ITGAM: variants seen among roughly 807,000 people sequenced by gnomAD.
ITGAM encodes integrin subunit alpha M, also known as integrin alpha-M.
A neutral mutation model predicts 137.5 loss-of-function variants in ITGAM; 79 were observed. That is an observed-to-expected ratio of 0.57 (90% CI 0.48 to 0.69). The LOEUF (loss-of-function observed/expected upper bound fraction) is 0.69. Among genes scored for constraint, ITGAM ranks in the 30% least tolerant of loss-of-function variants. The probability of loss-of-function intolerance (pLI) is 0.00; values close to 1 mark genes in which losing one functional copy is unlikely to be tolerated. For synonymous variants in ITGAM, 583 were observed against 592.3 expected, an observed-to-expected ratio of 0.98 and a Z score of 0.23; for missense variants, 1,343 against 1,483.5, an observed-to-expected ratio of 0.91 and a Z score of 1.56.
intron 12 of ITGAM, among the ~76,000 whole-genome samples, chr16:31,279,329 G>T (rs1307270804): frequency 6.6e-6 from 1 of 152,128 alleles, no homozygotes; most frequent in Non-Finnish European, 1.5e-5. Flanking sequence ...TTCCACAATG[G>T]TTGAACTAGT....
chr16:31,298,524 G>A (rs1017789977), intron 14 of ITGAM, among the ~76,000 whole-genome samples: 1 of 152,224 alleles, frequency 6.6e-6, no homozygotes, highest in Non-Finnish European at 1.5e-5. Context: ...AAGGCCCAGC[G>A]ATGGCAAATG....
intron 12 of ITGAM, among the ~76,000 whole-genome samples, chr16:31,287,755 A>G (rs2080043987): frequency 6.6e-6 from 1 of 152,152 alleles, no homozygotes; most frequent in African/African-American, 2.4e-5. Flanking sequence ...CAATAGTCAA[A>G]TTCTTCACGT....
rs758314269 is a variant in ITGAM, at chr16:31,330,572, G to A, written c.3243G>A (p.Leu1081=). The part of the protein sequence containing the change: ...EILFNDSVFT[L]LPGQGAFVRS... The stretch of plus-strand genomic sequence containing the variant: ...TGTTTAACGATTCCGTGTTCACCCT[G>A]CTGCCGGGACAGGGGGCGTTTGTGA... The change falls in exon 28 of 30, where the codon CTG becomes CTA. Residue 1081 remains leucine, a synonymous_variant. Transcript: ENST00000544665. The A allele has an allele frequency of 2.5e-6, 4 of 1,612,768 alleles. No homozygotes were observed. In the Admixed American group the frequency reaches 5.0e-5, roughly 20 times the overall value.
chr16:31,331,894 C>T lies in ITGAM; in HGVS notation c.*187C>T, dbSNP rs2080590472. 3.4e-6 allele frequency: 2 copies of T among 584,742 alleles called. No homozygotes were observed. The highest frequency in any genetic ancestry group is 1.9e-5 in the African/African-American group (1 of 52,750). 36.2% of individuals were successfully genotyped at this position (584,742 alleles called of 1,614,324 possible). On this transcript the variant is annotated 3_prime_UTR_variant, in exon 30 of 30. Coordinates refer to ENST00000544665, the MANE Select transcript of ITGAM (RefSeq NM_000632.4). ...AAGTGTCTGTGTGCAAGTGTGTGCA[C>T]ATGTGTGCGTGTGCGTGCATGTGCA... is the stretch of plus-strand genomic sequence containing the variant.
At chr16:31,325,709 C>CT (rs2080502169) in intron 21 of ITGAM, 87 bp downstream of exon 21, 1 of 1,482,698 alleles carries the variant, frequency 6.7e-7, no homozygotes, top group Non-Finnish European at 9.1e-7. Flanking sequence ...GTAGTGGTTC[C>CT]TTTTTGTACA....
At chr16:31,307,455 T>A (rs1353280056) in intron 14 of ITGAM, among the ~76,000 whole-genome samples, 2 of 152,200 alleles carry the variant, frequency 1.3e-5, no homozygotes, top group Non-Finnish European at 2.9e-5. Flanking sequence ...GTTTGTCTGT[T>A]ACTGGTGTGT....
Position 31,271,049 on chromosome 16 carries a change from A to G in ITGAM, c.523A>G (p.Thr175Ala), listed in dbSNP as rs966226707. ...TCGGCGGATGAAGGAGTTTGTCTCA[A>G]CTGTGATGGAGCAATTAAAAAAGTC... is the stretch of plus-strand genomic sequence containing the variant. ...DFRRMKEFVS[T>A]VMEQLKKSKT... Residue 175 changes from threonine to alanine, a missense_variant, in exon 6 of 30, where the codon ACT becomes GCT. Transcript: ENST00000544665. 2 of 1,581,784 alleles carry G rather than the reference A, an allele frequency of 1.3e-6. No homozygotes were observed. Among genetic ancestry groups the G allele is most frequent in the African/African-American group, 1.3e-5 (1 of 74,138 alleles).
chr16:31,319,117 C>T (rs1327590628), intron 14 of ITGAM, among the ~76,000 whole-genome samples: 1 of 151,856 alleles, frequency 6.6e-6, no homozygotes, highest in Non-Finnish European at 1.5e-5. Flanking sequence ...GTTTTGTGAC[C>T]TAACATGTGG....
chr16:31,298,930 G>A (rs192727989), intron 14 of ITGAM, among the ~76,000 whole-genome samples: 1 of 152,234 alleles, frequency 6.6e-6, no homozygotes, highest in East Asian at 1.9e-4. Context: ...CTCCTGCCAG[G>A]TGGAGCCCAC....
chr16:31,310,026 C>T (rs949600085), intron 14 of ITGAM, among the ~76,000 whole-genome samples: 11 of 151,238 alleles, frequency 7.3e-5, no homozygotes, highest in African/African-American at 9.6e-5. Context: ...AGAGAAAGTT[C>T]GGGTTACCCA....
At chr16:31,317,051 ATT>A (rs905147761) in intron 14 of ITGAM, among the ~76,000 whole-genome samples, 1 of 151,438 alleles carries the variant, frequency 6.6e-6, no homozygotes, top group Admixed American at 6.6e-5. Context: ...AACAGGGACA[ATT>A]TTTTTTTCTT....
chr16:31,304,427 C>G (rs1052647320), intron 14 of ITGAM, among the ~76,000 whole-genome samples: 5 of 152,090 alleles, frequency 3.3e-5, no homozygotes, highest in Non-Finnish European at 7.4e-5. Flanking sequence ...TCTGTTTGCT[C>G]TGATGATTAT....
intron 14 of ITGAM, among the ~76,000 whole-genome samples, chr16:31,316,758 T>A (rs147145934): frequency 6.6e-6 from 1 of 152,204 alleles, no homozygotes; most frequent in Non-Finnish European, 1.5e-5. Context: ...TATCTTTCCA[T>A]TGATTTTTGT....
At chr16:31,271,158 TCTC>T (rs1223593921) in intron 6 of ITGAM, 74 bp downstream of exon 6, 32 of 1,275,728 alleles carry the variant, frequency 2.5e-5, no homozygotes, top group Non-Finnish European at 3.2e-5. Flanking sequence ...GCCACCATGT[TCTC>T]CTCCCAGTTC....
At chr16:31,331,386 C>T (rs749554344) in intron 29 of ITGAM, 111 bp downstream of exon 29, 7 of 730,860 alleles carry the variant, frequency 9.6e-6, no homozygotes, top group Non-Finnish European at 1.7e-5. Flanking sequence ...TGGGGCGAGT[C>T]TGGGAGCCTC....
At chr16:31,302,416 CT>C (rs1450884188) in intron 14 of ITGAM, among the ~76,000 whole-genome samples, 21 of 134,346 alleles carry the variant, frequency 1.6e-4, no homozygotes, top group Admixed American at 5.7e-4. Context: ...TTTTTTCTTT[CT>C]TTCTTTCTTT....
chr16:31,324,868 A>C lies in ITGAM; in HGVS notation c.2289+86A>C. The C allele has an allele frequency of 6.4e-7, 1 of 1,555,048 alleles. No homozygotes were observed. Among genetic ancestry groups the C allele is most frequent in the Non-Finnish European group, 8.7e-7 (1 of 1,147,060 alleles). The stretch of plus-strand genomic sequence containing the variant: ...AACTCATTTTATTTGATTGCATCTA[A>C]TTTTACTTCAACATTTGATTTTATT... On this transcript the variant is annotated intron_variant, in intron 18 of 29. Transcript: ENST00000544665. The surrounding 1 kb of genome is among the most constrained non-coding windows in gnomAD (Gnocchi z 4.5).
At chr16:31,263,646 C>T (rs1257952325) in intron 2 of ITGAM, among the ~76,000 whole-genome samples, 1 of 144,944 alleles carries the variant, frequency 6.9e-6, no homozygotes, top group Admixed American at 6.9e-5. Flanking sequence ...TTTTTCTTAT[C>T]TGTTGGCCAT....
At chr16:31,330,705 G>A (rs1234530610) in intron 28 of ITGAM, 100 bp downstream of exon 28, 2 of 819,712 alleles carry the variant, frequency 2.4e-6, no homozygotes, top group Admixed American at 5.4e-5. Flanking sequence ...GAGGGAGAGA[G>A]AGAGACAGAG....
Sources: allele counts gnomAD v4.1 joint callset (sites outside exome capture counted in the v4.1 genomes callset), GRCh38; gene constraint gnomAD v4.1.1; non-coding constraint Gnocchi (gnomAD v3.1); transcripts MANE v1.5; gene names NCBI Gene and HGNC (gene_info 2026-07-23, HGNC 2026-07-21).